DNAH9: variants seen among roughly 807,000 people sequenced by gnomAD.
DNAH9 encodes DNAH9 variant protein.
Under a neutral mutation model 471.6 loss-of-function variants are expected in DNAH9, and 345 were observed. The observed-to-expected ratio is 0.73, with a 90% CI of 0.67 to 0.80. The LOEUF (loss-of-function observed/expected upper bound fraction) is 0.80. DNAH9 is among the 30% of genes least tolerant of loss of function. The probability of loss-of-function intolerance (pLI) is 0.00; values close to 1 mark genes in which losing one functional copy is unlikely to be tolerated. For synonymous variants in DNAH9, 2,093 were observed against 2,123.6 expected, an observed-to-expected ratio of 0.99 and a Z score of 0.40; for missense variants, 5,407 against 5,609.2, an observed-to-expected ratio of 0.96 and a Z score of 1.15.
At chr17:11,717,789 C>T (rs980366350) in intron 26 of DNAH9, among the ~76,000 whole-genome samples, 3 of 152,192 alleles carry the variant, frequency 2.0e-5, no homozygotes, top group Non-Finnish European at 4.4e-5. Context: ...TAATTTCCTT[C>T]TCTCACTCCA....
chr17:11,838,730 A>G (rs993208477), intron 49 of DNAH9, among the ~76,000 whole-genome samples: 4 of 152,168 alleles, frequency 2.6e-5, no homozygotes, highest in African/African-American at 7.2e-5. Flanking sequence ...TTCACAATCT[A>G]CAGGTGGCAA....
chr17:11,681,009 T>G, intron 19 of DNAH9, 120 bp downstream of exon 19: 2 of 975,710 alleles, frequency 2.0e-6, no homozygotes, highest in East Asian at 2.6e-5. Flanking sequence ...ATAATCTTCC[T>G]TCCCATTTAG....
intron 14 of DNAH9, among the ~76,000 whole-genome samples, chr17:11,660,482 C>T (rs2073739680): frequency 6.6e-6 from 1 of 151,848 alleles, no homozygotes; most frequent in South Asian, 2.1e-4. Flanking sequence ...GCCACCATAC[C>T]CAGCTAATTT....
At chr17:11,630,088 T>G (rs1380073677) in intron 7 of DNAH9, 1 of 153,454 alleles carries the variant, frequency 6.5e-6, no homozygotes, top group Non-Finnish European at 1.5e-5. Context: ...CAGTTATGCA[T>G]GATAAATAAT....
intron 26 of DNAH9, among the ~76,000 whole-genome samples, chr17:11,708,101 A>G (rs1053964787): frequency 2.0e-4 from 30 of 150,032 alleles, no homozygotes; most frequent in African/African-American, 7.1e-4. Flanking sequence ...TGTTTCCCCC[A>G]TTCTGAAATG....
At chr17:11,605,781 C>T (rs188529555) in intron 1 of DNAH9, among the ~76,000 whole-genome samples, 7 of 151,828 alleles carry the variant, frequency 4.6e-5, no homozygotes, top group Non-Finnish European at 8.8e-5. Context: ...GGGATACAGG[C>T]GTGAGCCACC....
At chr17:11,920,338 A>T in intron 61 of DNAH9, among the ~76,000 whole-genome samples, 1 of 151,590 alleles carries the variant, frequency 6.6e-6, no homozygotes, top group Non-Finnish European at 1.5e-5. Context: ...TTTCAAGATG[A>T]GGTTGGGCAC....
chr17:11,821,867 G>T, intron 45 of DNAH9, 53 bp from the exon 46 acceptor site: 1 of 1,570,348 alleles, frequency 6.4e-7, no homozygotes. Context: ...ATGTCTGATT[G>T]CATCATTTAA....
At chr17:11,715,632 G>C (rs993227569) in intron 26 of DNAH9, among the ~76,000 whole-genome samples, 1 of 152,132 alleles carries the variant, frequency 6.6e-6, no homozygotes, top group Non-Finnish European at 1.5e-5. Flanking sequence ...GGGACTCATC[G>C]GCCAGGATCT....
At chr17:11,687,355 T>C (rs1307994610) in intron 19 of DNAH9, among the ~76,000 whole-genome samples, 48 of 152,234 alleles carry the variant, frequency 3.2e-4, no homozygotes, top group Non-Finnish European at 1.0e-4. Flanking sequence ...ATAACTGTTA[T>C]TCTGTTGCAT....
intron 67 of DNAH9, among the ~76,000 whole-genome samples, chr17:11,955,232 G>A (rs1975577373): frequency 6.6e-6 from 1 of 151,908 alleles, no homozygotes. Flanking sequence ...TATATACATT[G>A]TCTATGGCTA....
chr17:11,890,241 A>T (rs189651031), intron 57 of DNAH9, among the ~76,000 whole-genome samples: 3 of 152,202 alleles, frequency 2.0e-5, no homozygotes, highest in African/African-American at 7.2e-5. Flanking sequence ...AATCTTCCCA[A>T]ATTGCTCTCT....
intron 11 of DNAH9, among the ~76,000 whole-genome samples, chr17:11,646,040 C>T (rs1056322876): frequency 2.6e-5 from 4 of 151,796 alleles, no homozygotes; most frequent in African/African-American, 4.8e-5. Context: ...CCACCACACC[C>T]GGCTAATTTT....
chr17:11,763,462 C>G lies in DNAH9; in HGVS notation c.7018C>G (p.Pro2340Ala). Residue 2340 changes from proline (P) to alanine (A), a missense_variant, in exon 36 of 69, where the codon CCA becomes GCA. Transcript: ENST00000262442. ...CAGGTTTAAGAAGATCATTCCCATC[C>G]CAGAGCAGAGCATGGTTCAGATGGT... ...RTRFKKIIPIPEQSMVQMVCH... is the reference protein window; with the variant it reads ...RTRFKKIIPIAEQSMVQMVCH... The G allele has an allele frequency of 2.5e-6, 4 of 1,614,106 alleles. No homozygotes were observed. The highest frequency in any genetic ancestry group is 2.5e-6 in the Non-Finnish European group (3 of 1,179,994).
intron 12 of DNAH9, 28 bp downstream of exon 12, chr17:11,647,226 T>C: frequency 6.2e-7 from 1 of 1,607,318 alleles, no homozygotes; most frequent in East Asian, 2.2e-5. Flanking sequence ...AGCTCTCTTT[T>C]GGGTTCCTGA....
chr17:11,932,159 C>CT lies in DNAH9; in HGVS notation c.12252dup (p.Ile4085TyrfsTer19). On this transcript the variant is annotated frameshift_variant, in exon 64 of 69. Coordinates refer to ENST00000262442, the MANE Select transcript of DNAH9 (RefSeq NM_001372.4). LOFTEE classifies it high-confidence loss of function. This position sits in a 1 kb window ranked among gnomAD's most constrained non-coding sequence, Gnocchi z 4.3. ...TACCCCTTTAACACTGGAGACCTCA[C>CT]TATCTCTGTGAATGTCCTCTACAAC... The CT allele has an allele frequency of 6.2e-7, 1 of 1,614,124 alleles. No homozygotes were observed. Among genetic ancestry groups the CT allele is most frequent in the South Asian group, 1.1e-5 (1 of 91,082 alleles).
intron 6 of DNAH9, among the ~76,000 whole-genome samples, chr17:11,620,447 G>A (rs1214303504): frequency 6.6e-6 from 1 of 150,864 alleles, no homozygotes; most frequent in South Asian, 2.1e-4. Context: ...GGAAGGCAGA[G>A]GTTTCAGTGA....
At chr17:11,669,943 A>G (rs1028646249) in intron 17 of DNAH9, 149 bp downstream of exon 17, 4 of 703,272 alleles carry the variant, frequency 5.7e-6, no homozygotes, top group Non-Finnish European at 4.7e-6. Flanking sequence ...TTTGGACACC[A>G]TGGTAACTTA....
At position 11,891,195 on chromosome 17, in the gene DNAH9, C is replaced by A. The variant is rs115099669; in HGVS notation, c.11113-582C>A. ...ACGCTCCCTGCATTGCAGGAAGGGT[C>A]CATGAGAAAGGAGGCTGCTTGCAAG... On this transcript the variant is annotated intron_variant, in intron 57 of 68. Transcript: ENST00000262442. Among the ~76,000 whole-genome samples, 801 of 152,226 alleles carry A rather than the reference C, an allele frequency of 5.3e-3. 11 individuals carry two copies. The highest frequency in any genetic ancestry group is 0.018 in the African/African-American group (762 of 41,536).
Sources: allele counts gnomAD v4.1 joint callset (sites outside exome capture counted in the v4.1 genomes callset), GRCh38; gene constraint gnomAD v4.1.1; non-coding constraint Gnocchi (gnomAD v3.1); transcripts MANE v1.5; gene names NCBI Gene and HGNC (gene_info 2026-07-23, HGNC 2026-07-21).